Variants in SLC36A1 observed in about 807,000 individuals in gnomAD.
SLC36A1 encodes the protein solute carrier family 36 member 1.
In SLC36A1, 30 loss-of-function variants were observed where a neutral mutation model predicts 47.5. The ratio of observed to expected loss-of-function variants is 0.63; its 90% CI spans 0.47 to 0.86. The LOEUF (loss-of-function observed/expected upper bound fraction) is 0.86. Among genes scored for constraint, SLC36A1 ranks in the 40% least tolerant of loss-of-function variants. SLC36A1 has a pLI of 0.00. For synonymous variants in SLC36A1, 255 were observed against 249.7 expected (o/e 1.02, Z -0.20); for missense variants, 517 against 606.0 (o/e 0.85, Z 1.54).
chr5:151,512,491 A>G, the SLC36A1 span: 8 of 1,614,082 alleles, frequency 5.0e-6, no homozygotes, highest in Admixed American at 8.3e-5. The surrounding 1 kb of genome is among the most constrained non-coding windows in gnomAD (Gnocchi z 4.1). Flanking sequence ...GGAAGCGTCC[A>G]TCTCCTCCAC....
chr5:151,475,713 C>A (rs767221568), intron 8 of SLC36A1, among the ~76,000 whole-genome samples: 1 of 152,220 alleles, frequency 6.6e-6, no homozygotes, highest in African/African-American at 2.4e-5. Context: ...GCAGCAGGAT[C>A]ATGTTGGTGT....
the SLC36A1 span, among the ~76,000 whole-genome samples, chr5:151,370,316 G>C: frequency 6.6e-6 from 1 of 152,132 alleles, no homozygotes; most frequent in Non-Finnish European, 1.5e-5. Flanking sequence ...TTATCTTATA[G>C]GTACTCATGC....
chr5:151,549,572 G>T, the SLC36A1 span: 2 of 1,395,486 alleles, frequency 1.4e-6, no homozygotes, highest in Non-Finnish European at 2.0e-6. Flanking sequence ...GTTAGGGTAA[G>T]GTTAATGAAC....
chr5:151,529,090 C>A, the SLC36A1 span: 3 of 1,119,916 alleles, frequency 2.7e-6, no homozygotes, highest in South Asian at 1.3e-5. Context: ...TAAACTAATC[C>A]ATGCTCATAG....
At chr5:151,401,831 T>G in the SLC36A1 span, among the ~76,000 whole-genome samples, 5,943 of 152,278 alleles carry the variant, frequency 0.039, 371 homozygotes, top group African/African-American at 0.14. Flanking sequence ...TATCAATGTA[T>G]AGAAATGCAA....
chr5:151,535,903 A>T, the SLC36A1 span, among the ~76,000 whole-genome samples: 9 of 152,316 alleles, frequency 5.9e-5, no homozygotes, highest in South Asian at 1.9e-3. Flanking sequence ...TTTGCTGATG[A>T]TTGGTGTGGT....
the SLC36A1 span, among the ~76,000 whole-genome samples, chr5:151,351,436 C>T: frequency 1.3e-5 from 2 of 150,902 alleles, no homozygotes; most frequent in African/African-American, 4.9e-5. Context: ...ATCACATATT[C>T]ATGTGTGTAG....
At chr5:151,505,746 A>C in the SLC36A1 span, 1 of 1,613,412 alleles carries the variant, frequency 6.2e-7, no homozygotes, top group African/African-American at 1.3e-5. Flanking sequence ...CCCGTCTGCC[A>C]GGCAGGGCCC....
chr5:151,378,517 G>T, the SLC36A1 span: 1 of 219,088 alleles, frequency 4.6e-6, no homozygotes, highest in South Asian at 8.1e-5. Flanking sequence ...AACATAATAG[G>T]GGCAGAAGTT....
upstream of SLC36A1, among the ~76,000 whole-genome samples, chr5:151,434,095 T>TAC (rs1759628546): frequency 1.3e-5 from 2 of 152,140 alleles, no homozygotes; most frequent in Non-Finnish European, 2.9e-5. Flanking sequence ...CAGAAGCAAA[T>TAC]ACAAAGTCTT....
the SLC36A1 span, among the ~76,000 whole-genome samples, chr5:151,399,423 ATGTG>A: frequency 6.6e-6 from 1 of 151,990 alleles, no homozygotes; most frequent in Admixed American, 6.6e-5. Flanking sequence ...TGTTTGAGGG[ATGTG>A]TGTATTTTTT....
chr5:151,454,710 C>CTTTTTTT (rs34814099), intron 1 of SLC36A1, among the ~76,000 whole-genome samples: 16 of 107,924 alleles, frequency 1.5e-4, no homozygotes, highest in East Asian at 3.0e-4. Flanking sequence ...CATGTGACAG[C>CTTTTTTT]TTTTTTTTTT....
chr5:151,476,939 T>G, intron 9 of SLC36A1, 183 bp downstream of exon 9: 1 of 768,076 alleles, frequency 1.3e-6, no homozygotes, highest in South Asian at 1.5e-5. Context: ...GGAATTCATG[T>G]AGAGCCTTCT....
the SLC36A1 span, chr5:151,525,892 G>T: frequency 1.6e-5 from 26 of 1,614,070 alleles, no homozygotes; most frequent in Middle Eastern, 1.6e-4. Flanking sequence ...AAACGAGTAG[G>T]GGGGGCCATT....
At chr5:151,551,457 G>A in the SLC36A1 span, 2 of 1,613,272 alleles carry the variant, frequency 1.2e-6, no homozygotes, top group Non-Finnish European at 1.7e-6. Context: ...CCCCAGCCGA[G>A]GCCTCTAACC....
the SLC36A1 span, among the ~76,000 whole-genome samples, chr5:151,373,878 G>A: frequency 6.6e-6 from 1 of 152,106 alleles, no homozygotes; most frequent in African/African-American, 2.4e-5. Flanking sequence ...GGGATTACAG[G>A]TATGAGCCAC....
the SLC36A1 span, among the ~76,000 whole-genome samples, chr5:151,538,792 T>G: frequency 6.6e-6 from 1 of 151,868 alleles, no homozygotes; most frequent in Non-Finnish European, 1.5e-5. Flanking sequence ...ATCTCCTGCC[T>G]CAGCCTCCTA....
the SLC36A1 span, among the ~76,000 whole-genome samples, chr5:151,361,472 G>A: frequency 6.6e-6 from 1 of 152,154 alleles, no homozygotes; most frequent in Non-Finnish European, 1.5e-5. Flanking sequence ...ATATTTTAGA[G>A]TCAAAAATAG....
the SLC36A1 span, among the ~76,000 whole-genome samples, chr5:151,415,778 C>T: frequency 5.9e-5 from 9 of 152,086 alleles, no homozygotes; most frequent in Non-Finnish European, 1.0e-4. Context: ...AATGAGGCCC[C>T]GTTTCTCTAT....
Sources: gnomAD v4.1 joint callset for allele counts (sites outside exome capture counted in the v4.1 genomes callset) on GRCh38, gnomAD v4.1.1 for gene constraint, Gnocchi (gnomAD v3.1) non-coding constraint, MANE v1.5 for transcripts, NCBI Gene and HGNC (gene_info 2026-07-23, HGNC 2026-07-21) for gene names.